The following ULBP2 variants were observed in gnomAD, a reference collection of about 807,000 sequenced individuals.
ULBP2 encodes UL16 binding protein 2, also known as UL16-binding protein 2.
Under a neutral mutation model 23.6 loss-of-function variants are expected in ULBP2, and 21 were observed. The observed-to-expected ratio is 0.89, with a 90% CI of 0.63 to 1.28. The LOEUF (loss-of-function observed/expected upper bound fraction) is 1.28, where lower values mean the gene tolerates loss of function less well. Among genes scored for constraint, ULBP2 ranks in the 50% most tolerant of loss-of-function variants. The pLI is 0.00. For missense variants in ULBP2, 251 were observed against 306.0 expected (o/e 0.82, Z 1.34); for synonymous variants, 82 against 112.8 (o/e 0.73, Z 1.73).
Position 149,942,095 on chromosome 6 carries a change from A to G in ULBP2, c.23A>G (p.Lys8Arg), listed in dbSNP as rs748819035. 2.5e-5 allele frequency: 40 copies of G among 1,613,534 alleles called. No homozygotes were observed. The African/African-American group carries it at 2.8e-4, about 11-fold the overall frequency. MAAAAATKILLCLPLLLL... is the reference protein window; with the variant it reads MAAAAATRILLCLPLLLL... ...TTAATGGCAGCAGCCGCCGCTACCA[A>G]GATCCTTCTGTGCCTCCCGCTTCTG... Residue 8 changes from lysine (K) to arginine (R), a missense_variant, in exon 1 of 5, where the codon AAG becomes AGG. Lys to Arg is a conservative substitution (Grantham distance 26, BLOSUM62 2). This residue lies in a region of ULBP2 where 248 missense variants were observed against 258.9 expected (regional missense o/e 0.96). Transcript: ENST00000367351.
intron 3 of ULBP2, 152 bp downstream of exon 3, chr6:149,946,805 T>C (rs1043549322): frequency 3.8e-6 from 5 of 1,331,890 alleles, no homozygotes; most frequent in Non-Finnish European, 5.1e-6. Flanking sequence ...GTTACTGGCA[T>C]GCCTGTGCTC....
Position 149,946,323 on chromosome 6 carries a change from G to A in ULBP2, c.350-49G>A, listed in dbSNP as rs764005136. 3.8e-6 allele frequency: 6 copies of A among 1,576,660 alleles called. No homozygotes were observed. In the Admixed American group the frequency reaches 1.0e-4, roughly 27 times the overall value. ...CAAATTGTAAGGGGAACAGGATGGG[G>A]GTGCAAAATTTGTCAAGATCAGAGC... On this transcript the variant is annotated intron_variant, in intron 2 of 4. Transcript: ENST00000367351.
chr6:149,943,524 G>T (rs544843456), intron 1 of ULBP2, among the ~76,000 whole-genome samples: 1 of 152,090 alleles, frequency 6.6e-6, no homozygotes, highest in African/African-American at 2.4e-5. Context: ...CTTGGTTCCC[G>T]GTGGCCCTGC....
intron 2 of ULBP2, 62 bp downstream of exon 2, chr6:149,945,634 T>C: frequency 1.2e-6 from 2 of 1,613,200 alleles, no homozygotes; most frequent in South Asian, 1.1e-5. Context: ...GAGGCATTTA[T>C]AGTTTTCATG....
At position 149,945,539 on chromosome 6, in the gene ULBP2, C is replaced by A; in HGVS notation, c.316C>A (p.Arg106Ser). Residue 106 changes from arginine to serine, a missense_variant, in exon 2 of 5, where the codon CGT becomes AGT. Physicochemically the swap from Arg to Ser is moderately radical, Grantham distance 110. This residue lies in a region of ULBP2 where 248 missense variants were observed against 258.9 expected (regional missense o/e 0.96). Transcript: ENST00000367351. ...EVVDILTEQL[R>S]DIQLENYTPK... ...GGTGGACATACTTACAGAGCAACTGCGTGACATTCAGCTGGAGAATTACAC... is the reference window on the plus strand; with the variant it reads ...GGTGGACATACTTACAGAGCAACTGAGTGACATTCAGCTGGAGAATTACAC... The A allele has an allele frequency of 1.2e-6, 2 of 1,614,042 alleles. No homozygotes were observed. The highest frequency in any genetic ancestry group is 1.7e-6 in the Non-Finnish European group (2 of 1,179,874).
chr6:149,948,439 G>A (rs578049943), intron 4 of ULBP2, among the ~76,000 whole-genome samples: 2 of 152,126 alleles, frequency 1.3e-5, no homozygotes, highest in African/African-American at 4.8e-5. Context: ...TCAGATCATA[G>A]AGAGGGCCTT....
In ULBP2 at chr6:149,947,397, A is replaced by C. The variant is rs146872141; in HGVS notation, c.709A>C (p.Ile237Leu). The C allele has an allele frequency of 0.049, 69,158 of 1,404,778 alleles. 3,611 individuals are homozygous for C. Among genetic ancestry groups the C allele is most frequent in the East Asian group, 0.32 (13,355 of 41,554 alleles). 87.0% of individuals were successfully genotyped at this position (1,404,778 alleles called of 1,614,324 possible). Residue 237 changes from isoleucine (I) to leucine (L), a missense_variant, in exon 4 of 5, where the codon ATC (isoleucine) becomes CTC (leucine). Around this residue, in one of 2 missense-constraint regions of ULBP2, gnomAD observed 3 missense variants for 47.0 expected, o/e 0.06. Coordinates refer to ENST00000367351, the MANE Select transcript of ULBP2 (RefSeq NM_025217.4). ...CCTCATCCTTTGCTGCCTCCTCATC[A>C]TCCTCCCCTGCTTCATCCTCCCTGG... is the stretch of plus-strand genomic sequence containing the variant. ...TTLILCCLLI[I>L]LPCFILPGI
intron 1 of ULBP2, 47 bp from the exon 2 acceptor site, chr6:149,945,262 A>G: frequency 6.3e-7 from 1 of 1,599,960 alleles, no homozygotes; most frequent in South Asian, 1.1e-5. Context: ...GGGGCTAACT[A>G]GGGGTCTTTT....
chr6:149,945,614 T>C, intron 2 of ULBP2, 42 bp downstream of exon 2: 7 of 1,613,650 alleles, frequency 4.3e-6, no homozygotes, highest in Non-Finnish European at 5.9e-6. Flanking sequence ...ACAGATACAG[T>C]GGTAGGTTAG....
At chr6:149,946,699 G>A (rs1778947872) in intron 3 of ULBP2, 46 bp downstream of exon 3, 2 of 1,605,536 alleles carry the variant, frequency 1.2e-6, no homozygotes, top group Admixed American at 3.4e-5. Flanking sequence ...GATCAGAAAT[G>A]GTGACCTCAA....
Position 149,942,124 on chromosome 6 carries a change from CTGCTG to C in ULBP2, c.54_58del (p.Leu19ArgfsTer16). On this transcript the variant is annotated frameshift_variant, in exon 1 of 5. Coordinates refer to ENST00000367351, the MANE Select transcript of ULBP2 (RefSeq NM_025217.4). LOFTEE classifies it high-confidence loss of function. ...CCTTCTGTGCCTCCCGCTTCTGCTC[CTGCTG>C]TCCGGCTGGTCCCGGGCTGGGCGAG... 6.2e-7 allele frequency: 1 copy of C among 1,613,028 alleles called. No homozygotes were observed. The highest frequency in any genetic ancestry group is 8.5e-7 in the Non-Finnish European group (1 of 1,179,766).
rs773069913 is a variant in ULBP2 at position 149,946,531 on chromosome 6, A to C, written c.509A>C (p.Glu170Ala). Residue 170 changes from glutamate to alanine, a missense_variant, in exon 3 of 5, where the codon GAA becomes GCA. Glu to Ala is a moderately radical substitution (Grantham distance 107, BLOSUM62 -1). Coordinates refer to ENST00000367351, the MANE Select transcript of ULBP2 (RefSeq NM_025217.4). ...CATCCTGGAGCCAGAAAGATGAAAG[A>C]AAAGTGGGAGAATGACAAGGTTGTG... ...TVHPGARKMK[E>A]KWENDKVVAM... 25 of 1,614,070 alleles carry C rather than the reference A, an allele frequency of 1.5e-5. No homozygotes were observed. In the Admixed American group the frequency reaches 1.7e-4, roughly 11 times the overall value.
rs1252484702 is a variant in ULBP2 at position 149,949,213 on chromosome 6, T to C, written c.*513T>C. The C allele has an allele frequency of 6.6e-6, 1 of 152,314 alleles. No individual in the cohort carries two copies. Among genetic ancestry groups the C allele is most frequent in the Non-Finnish European group, 1.5e-5 (1 of 68,144 alleles). The allele number at this position is 152,314 out of a possible 1,614,324, so 9.4% of individuals were successfully genotyped here. A position where few individuals can be genotyped will look rare whatever the true frequency, so the allele number is the denominator to read the frequency against. On this transcript the variant is annotated 3_prime_UTR_variant, in exon 5 of 5. Transcript: ENST00000367351. ...TTATTGTTCTGTACTGATATTTAAA[T>C]AAAGAGTTCTATTTCCCAAAAACCT...
Position 149,945,434 on chromosome 6 carries a change from G to A in ULBP2, c.211G>A (p.Val71Ile). ...FLHYDCGNKT[V>I]TPVSPLGKKL... ...TCACTATGACTGTGGCAACAAGACAGTCACACCTGTCAGTCCCCTGGGGAA... is the reference window on the plus strand; with the variant it reads ...TCACTATGACTGTGGCAACAAGACAATCACACCTGTCAGTCCCCTGGGGAA... Residue 71 changes from valine (V) to isoleucine (I), a missense_variant, in exon 2 of 5, where the codon GTC becomes ATC. Val to Ile is a conservative substitution (Grantham distance 29). Coordinates refer to ENST00000367351, the MANE Select transcript of ULBP2 (RefSeq NM_025217.4). 1.9e-6 allele frequency: 3 copies of A among 1,613,966 alleles called. No homozygotes were observed. Among genetic ancestry groups the A allele is most frequent in the Non-Finnish European group, 2.5e-6 (3 of 1,179,892 alleles).
intron 3 of ULBP2, 99 bp downstream of exon 3, chr6:149,946,752 C>T (rs1211859477): frequency 2.6e-5 from 40 of 1,559,512 alleles, no homozygotes; most frequent in Non-Finnish European, 3.3e-5. Flanking sequence ...CCAGTATACA[C>T]ATTCACGTTA....
intron 1 of ULBP2, among the ~76,000 whole-genome samples, chr6:149,942,385 G>A (rs544264190): frequency 6.6e-6 from 1 of 152,308 alleles, no homozygotes; most frequent in Admixed American, 6.5e-5. Flanking sequence ...AGGCTGGCAG[G>A]AGGGTGGAGG....
chr6:149,944,129 G>T (rs776393172), intron 1 of ULBP2, among the ~76,000 whole-genome samples: 2 of 152,082 alleles, frequency 1.3e-5, no homozygotes, highest in Admixed American at 6.5e-5. Context: ...ACTAGAAACT[G>T]GTGTCTTCTT....
rs555941285 is a variant in ULBP2 at position 149,942,084 on chromosome 6, C to T, written c.12C>T (p.Ala4=). The T allele has an allele frequency of 1.9e-6, 3 of 1,612,918 alleles. No homozygotes were observed. The highest frequency in any genetic ancestry group is 2.5e-6 in the Non-Finnish European group (3 of 1,179,800). The change falls in exon 1 of 5, where the codon GCC becomes GCT. Residue 4 remains alanine (A), a synonymous_variant. Coordinates refer to ENST00000367351, the MANE Select transcript of ULBP2 (RefSeq NM_025217.4). ...GCTCTGGGTCCTTAATGGCAGCAGC[C>T]GCCGCTACCAAGATCCTTCTGTGCC... The part of the protein sequence containing the change: MAA[A]AATKILLCLP...
intron 2 of ULBP2, 21 bp from the exon 3 acceptor site, chr6:149,946,351 A>C (rs1323849445): frequency 1.2e-6 from 2 of 1,604,388 alleles, no homozygotes; most frequent in African/African-American, 2.7e-5. Flanking sequence ...ATCAGAGCTG[A>C]TCTCTCTCTG....
Sources: gnomAD v4.1 joint callset for allele counts (sites outside exome capture counted in the v4.1 genomes callset) on GRCh38, gnomAD v4.1.1 for gene constraint, gnomAD v4.1.1 regional missense constraint, MANE v1.5 for transcripts, NCBI Gene and HGNC (gene_info 2026-07-23, HGNC 2026-07-21) for gene names.